The following NAV1 variants were observed in gnomAD, a reference collection of about 807,000 sequenced individuals.
NAV1 encodes the protein pore membrane and/or filament interacting like protein 3.
A neutral mutation model predicts 175.2 loss-of-function variants in NAV1; 18 were observed. That is an observed-to-expected ratio of 0.10 (90% CI 0.07 to 0.15). The LOEUF is 0.15. Among genes scored for constraint, NAV1 ranks in the 10% least tolerant of loss-of-function variants. The probability of loss-of-function intolerance (pLI) is 1.00; values close to 1 mark genes in which losing one functional copy is unlikely to be tolerated. For synonymous variants in NAV1, 897 were observed against 978.7 expected (o/e 0.92, Z 1.56); for missense variants, 1,731 against 2,436.6 (o/e 0.71, Z 6.10).
At position 201,756,872 on chromosome 1, in the gene NAV1, CTTT is replaced by C. The variant is rs1558131837; in HGVS notation, c.1227-23548_1227-23546del. On this transcript the variant is annotated intron_variant, in intron 3 of 29. Coordinates refer to ENST00000367296, the Ensembl canonical transcript of NAV1. ...TCTTTCTTTCTTTCTTTCTTTCTTT[CTTT>C]CTTTCTTTCTCTGTCTTTCTCCCCA... Among the ~76,000 whole-genome samples, 68 of 119,942 alleles carry C rather than the reference CTTT, an allele frequency of 5.7e-4. 1 individual carries two copies. The highest frequency in any genetic ancestry group is 2.3e-3 in the African/African-American group (66 of 29,002). The allele number at this position is 119,942 out of a possible 152,430, so 78.7% of individuals were successfully genotyped here.
At position 201,808,808 on chromosome 1, in the gene NAV1, T is replaced by A; in HGVS notation, c.4144T>A (p.Ser1382Thr). 6.2e-7 allele frequency: 1 copy of A among 1,613,930 alleles called. No homozygotes were observed. The highest frequency in any genetic ancestry group is 2.2e-5 in the East Asian group (1 of 44,866). Reference sequence around the variant, plus strand: ...GGTCCCTGGATCATCTGCATTATCTTCCCCACGCCGCTCCCTAGGCCTGGC... The same window carrying A: ...GGTCCCTGGATCATCTGCATTATCTACCCCACGCCGCTCCCTAGGCCTGGC... Residue 1382 changes from serine to threonine, a missense_variant, in exon 20 of 30, where the codon TCC becomes ACC. By Grantham distance (58) the Ser-to-Thr change is moderately conservative (BLOSUM62 1). Around this residue, in one of 13 missense-constraint regions of NAV1, gnomAD observed 122 missense variants for 139.4 expected, o/e 0.88. Transcript: ENST00000367296. This position sits in a 1 kb window ranked among gnomAD's most constrained non-coding sequence, Gnocchi z 5.5.
chr1:201,770,914 G>GCAGTA (rs1048905521), intron 3 of NAV1, among the ~76,000 whole-genome samples: 24 of 152,260 alleles, frequency 1.6e-4, no homozygotes, highest in East Asian at 1.4e-3. Context: ...TTATACAGCA[G>GCAGTA]CAGTACAGTA....
chr1:201,799,439 T>C (rs925199483), intron 15 of NAV1, among the ~76,000 whole-genome samples: 1 of 152,236 alleles, frequency 6.6e-6, no homozygotes, highest in Non-Finnish European at 1.5e-5. Flanking sequence ...CCTATCTTTA[T>C]TTTATTTTAT....
At chr1:201,622,103 T>C (rs975245372), upstream of NAV1, among the ~76,000 whole-genome samples, 118 of 152,124 alleles carry the variant, frequency 7.8e-4, 4 homozygotes, top group Admixed American at 7.6e-3. Flanking sequence ...CTCAGTCTCT[T>C]TTAGACGAGG....
rs1673313257 is a variant in NAV1, at chr1:201,740,130, GT to G, written c.1226+21378del. The stretch of plus-strand genomic sequence containing the variant: ...CGCCAGACCGCAGAGCTGGGGTCGG[GT>G]TTGTGGCACCCCCAGCCCCGCCGCA... On this transcript the variant is annotated intron_variant, in intron 3 of 29. Coordinates refer to ENST00000367296, the Ensembl canonical transcript of NAV1. This position sits in a 1 kb window ranked among gnomAD's most constrained non-coding sequence, Gnocchi z 4.7. 3 of 1,383,858 alleles carry G rather than the reference GT, an allele frequency of 2.2e-6. No homozygotes were observed. Among genetic ancestry groups the G allele is most frequent in the Non-Finnish European group, 2.8e-6 (3 of 1,054,258 alleles). The allele number at this position is 1,383,858 out of a possible 1,614,324, so 85.7% of individuals were successfully genotyped here. A position where few individuals can be genotyped will look rare whatever the true frequency, so the allele number is the denominator to read the frequency against.
intron 3 of NAV1, among the ~76,000 whole-genome samples, chr1:201,731,441 G>A (rs992811475): frequency 5.3e-5 from 8 of 152,116 alleles, no homozygotes; most frequent in Admixed American, 2.0e-4. Flanking sequence ...CTCAGCCTGA[G>A]GGTTGGGGAG....
rs769261726 is a variant in NAV1 at position 201,648,818 on chromosome 1, C to G, written c.150C>G (p.Pro50=). The change falls in exon 1 of 30, where the codon CCC becomes CCG. Residue 50 remains proline (P), a synonymous_variant. Transcript: ENST00000367296. ...TGCTGCCCAAGCGCGCCAAGGCGCC[C>G]GGCGGCGGCGGCGGCATGGCCAAGG... 3.2e-6 allele frequency: 5 copies of G among 1,548,278 alleles called. No individual in the cohort carries two copies. The South Asian group carries it at 4.7e-5, about 15-fold the overall frequency.
intron 1 of NAV1, among the ~76,000 whole-genome samples, chr1:201,575,568 T>G (rs937329221): frequency 6.6e-6 from 1 of 152,196 alleles, no homozygotes; most frequent in Non-Finnish European, 1.5e-5. Context: ...TGTTTGCCCT[T>G]AGGCTGCCCC....
At chr1:201,660,954 T>C (rs78320154) in intron 1 of NAV1, among the ~76,000 whole-genome samples, 2,521 of 152,270 alleles carry the variant, frequency 0.017, 55 homozygotes, top group African/African-American at 0.05. Context: ...GTGTTTCATA[T>C]TTTTTAGCAA....
At chr1:201,661,866 A>G (rs557636954) in intron 1 of NAV1, among the ~76,000 whole-genome samples, 16 of 152,374 alleles carry the variant, frequency 1.1e-4, no homozygotes, top group African/African-American at 3.8e-4. Context: ...AGGACTCGTC[A>G]TAATATCTAT....
intron 1 of NAV1, among the ~76,000 whole-genome samples, chr1:201,675,419 C>T (rs1670209058): frequency 6.6e-6 from 1 of 152,178 alleles, no homozygotes; most frequent in African/African-American, 2.4e-5. Flanking sequence ...CAGGGCTGGC[C>T]AGCCTCGTGT....
intron 1 of NAV1, among the ~76,000 whole-genome samples, chr1:201,564,968 A>G (rs598122): frequency 0.27 from 40,393 of 152,140 alleles, 6,615 homozygotes; most frequent in African/African-American, 0.45. Context: ...TTAAGGACTC[A>G]TGTGATTAGA....
At position 201,718,716 on chromosome 1, in the gene NAV1, T is replaced by G. The variant is rs1484999357; in HGVS notation, c.1187T>G (p.Met396Arg). ...GGCTACATGAGCGACAGTGACCTCA[T>G]GGGCAAGACCATGACGGAGGATGAT... The change falls in exon 3 of 30, where the codon ATG (methionine) becomes AGG (arginine). Residue 396 changes from methionine (M) to arginine (R), a missense_variant. Transcript: ENST00000367296. This position sits in a 1 kb window ranked among gnomAD's most constrained non-coding sequence, Gnocchi z 4.8. 3.1e-6 allele frequency: 5 copies of G among 1,613,988 alleles called. No homozygotes were observed. Among genetic ancestry groups the G allele is most frequent in the South Asian group, 1.1e-5 (1 of 91,076 alleles).
intron 10 of NAV1, 120 bp from the exon 15 acceptor site, chr1:201,789,615 GTTCTT>G: frequency 1.1e-6 from 1 of 874,300 alleles, no homozygotes; most frequent in Non-Finnish European, 1.9e-6. Context: ...TCCCTACTCT[GTTCTT>G]TCTGTTTGCT....
Position 201,560,824 on chromosome 1 carries a change from G to A in NAV1, c.-144+21482G>A, listed in dbSNP as rs148929857. On this transcript the variant is annotated intron_variant, in intron 1 of 33. Transcript: ENST00000685211. ...TGGGATCTGTGGATCCTTGCCATGA[G>A]CCGAGACCTCCCAGAGCTCCAGCAC... 9.8e-5 allele frequency among the ~76,000 whole-genome samples: 15 copies of A among 152,320 alleles called. 1 individual carries two copies. The South Asian group carries it at 1.4e-3, about 15-fold the overall frequency.
chr1:201,603,740 T>C (rs1667589461), intron 2 of NAV1, among the ~76,000 whole-genome samples: 1 of 152,186 alleles, frequency 6.6e-6, no homozygotes, highest in South Asian at 2.1e-4. Flanking sequence ...GGAGAGATTG[T>C]TATCCCCATT....
chr1:201,576,695 T>C (rs1240275591), intron 1 of NAV1, among the ~76,000 whole-genome samples: 1 of 152,258 alleles, frequency 6.6e-6, no homozygotes, highest in Non-Finnish European at 1.5e-5. Flanking sequence ...TTAATTTTTT[T>C]AAGAAACTGC....
At chr1:201,642,856 A>C (rs1172516543) in intron 2 of NAV1, among the ~76,000 whole-genome samples, 1 of 142,526 alleles carries the variant, frequency 7.0e-6, no homozygotes, top group African/African-American at 2.6e-5. Context: ...TGCAGGCTCC[A>C]CCTCCCGGAT....
chr1:201,691,281 A>T (rs756341024), intron 1 of NAV1, among the ~76,000 whole-genome samples: 29 of 152,304 alleles, frequency 1.9e-4, no homozygotes, highest in Non-Finnish European at 3.4e-4. Context: ...GTTGAGAACC[A>T]CTATAATAGA....
Sources: gnomAD v4.1 joint callset for allele counts (sites outside exome capture counted in the v4.1 genomes callset) on GRCh38, gnomAD v4.1.1 for gene constraint, gnomAD v4.1.1 regional missense constraint, Gnocchi (gnomAD v3.1) non-coding constraint, MANE v1.5 for transcripts, NCBI Gene and HGNC (gene_info 2026-07-23, HGNC 2026-07-21) for gene names.